RNF150: variants seen among roughly 807,000 people sequenced by gnomAD.
The protein encoded by RNF150 is ring finger protein 150.
Under a neutral mutation model 39.3 loss-of-function variants are expected in RNF150, and 24 were observed. The observed-to-expected ratio is 0.61, with a 90% CI of 0.44 to 0.86. The LOEUF is 0.86. Ranked by LOEUF, RNF150 falls within the 40% of genes least tolerant of loss-of-function variation. The pLI, the probability that RNF150 is intolerant of heterozygous loss-of-function variation, is 0.00. For missense variants in RNF150, 502 were observed against 587.8 expected, an observed-to-expected ratio of 0.85 and a Z score of 1.51; for synonymous variants, 255 against 227.3, an observed-to-expected ratio of 1.12 and a Z score of -1.10.
At chr4:141,203,745 C>T (rs1728329876) in intron 1 of RNF150, among the ~76,000 whole-genome samples, 1 of 140,570 alleles carries the variant, frequency 7.1e-6, no homozygotes, top group Non-Finnish European at 1.6e-5. Context: ...GAAAAGTCCC[C>T]CTGAGAAGGA....
At chr4:141,089,002 G>A (rs905631478) in intron 1 of RNF150, among the ~76,000 whole-genome samples, 5 of 152,142 alleles carry the variant, frequency 3.3e-5, no homozygotes, top group African/African-American at 1.2e-4. Flanking sequence ...GAAACACTCA[G>A]ATGAATTTTC....
intron 6 of RNF150, among the ~76,000 whole-genome samples, chr4:140,899,974 C>CTCTCTCTCTGTGTG (rs1365683071): frequency 4.6e-3 from 315 of 69,172 alleles, no homozygotes; most frequent in African/African-American, 0.013. Context: ...CTCTCTCTCT[C>CTCTCTCTCTGTGTG]TGTGTGTGTG....
intron 1 of RNF150, among the ~76,000 whole-genome samples, chr4:141,179,379 A>C (rs1172972247): frequency 6.6e-6 from 1 of 152,210 alleles, no homozygotes; most frequent in Non-Finnish European, 1.5e-5. Flanking sequence ...TTTAATATTT[A>C]AAATAGTTCA....
chr4:141,138,103 T>C (rs956918895), upstream of RNF150, among the ~76,000 whole-genome samples: 1 of 152,236 alleles, frequency 6.6e-6, no homozygotes, highest in Non-Finnish European at 1.5e-5. Flanking sequence ...CTGCTTTTGC[T>C]TCTTGCCATT....
At chr4:140,899,940 CACTT>C (rs142632823) in intron 6 of RNF150, among the ~76,000 whole-genome samples, 40 of 118,228 alleles carry the variant, frequency 3.4e-4, no homozygotes, top group Admixed American at 1.7e-3. Context: ...TTCTCTCTCT[CACTT>C]TCTCTCTCTC....
intron 4 of RNF150, among the ~76,000 whole-genome samples, chr4:140,945,832 A>G (rs546540336): frequency 6.6e-6 from 1 of 151,914 alleles, no homozygotes; most frequent in South Asian, 2.1e-4. Flanking sequence ...AATTTTTTTT[A>G]TTAGTAGTAA....
intron 1 of RNF150, among the ~76,000 whole-genome samples, chr4:141,032,325 TTCAGTTAGA>T (rs1735980343): frequency 6.6e-6 from 1 of 152,096 alleles, no homozygotes; most frequent in Non-Finnish European, 1.5e-5. Context: ...GGTACAAAGC[TTCAGTTAGA>T]TAGAAGGAGT....
intron 1 of RNF150, among the ~76,000 whole-genome samples, chr4:141,047,258 C>G (rs1736615659): frequency 6.6e-6 from 1 of 152,028 alleles, no homozygotes; most frequent in Non-Finnish European, 1.5e-5. Context: ...TGTTAAAACG[C>G]TATGACAGTA....
chr4:140,940,358 C>T (rs1490251184), intron 4 of RNF150, among the ~76,000 whole-genome samples: 1 of 150,350 alleles, frequency 6.7e-6, no homozygotes, highest in Non-Finnish European at 1.5e-5. Flanking sequence ...CACAGAGCTA[C>T]TTATCACAGC....
At chr4:141,097,245 C>T (rs564863213) in intron 1 of RNF150, among the ~76,000 whole-genome samples, 8 of 152,274 alleles carry the variant, frequency 5.3e-5, no homozygotes, top group African/African-American at 1.7e-4. Flanking sequence ...ACCAGAGCCT[C>T]GTTCAGTGTC....
chr4:141,204,911 A>C (rs1267272881), intron 1 of RNF150, among the ~76,000 whole-genome samples: 2 of 152,056 alleles, frequency 1.3e-5, no homozygotes, highest in Non-Finnish European at 2.9e-5. Context: ...TATAAGCAAA[A>C]CTCAGGAGTA....
At chr4:140,965,851 C>G (rs1733219829) in intron 2 of RNF150, among the ~76,000 whole-genome samples, 1 of 151,832 alleles carries the variant, frequency 6.6e-6, no homozygotes, top group Non-Finnish European at 1.5e-5. Context: ...ATGACTACAG[C>G]TAAAAAACTG....
At chr4:140,937,739 C>G (rs559967572) in intron 4 of RNF150, among the ~76,000 whole-genome samples, 1 of 151,564 alleles carries the variant, frequency 6.6e-6, no homozygotes, top group South Asian at 2.1e-4. Context: ...TCTGGGTGGT[C>G]AGATTATTTT....
intron 1 of RNF150, among the ~76,000 whole-genome samples, chr4:141,175,665 C>T (rs1727797126): frequency 6.6e-6 from 1 of 152,144 alleles, no homozygotes; most frequent in African/African-American, 2.4e-5. Flanking sequence ...CTCAGAACAT[C>T]GGATCTATTA....
At chr4:141,027,539 GACA>G (rs1380228658) in intron 1 of RNF150, among the ~76,000 whole-genome samples, 3 of 152,084 alleles carry the variant, frequency 2.0e-5, no homozygotes, top group Admixed American at 6.6e-5. Flanking sequence ...TTGGCACACA[GACA>G]ACATTTCCCA....
chr4:140,915,304 G>A (rs913494236), intron 5 of RNF150, among the ~76,000 whole-genome samples: 9 of 152,248 alleles, frequency 5.9e-5, no homozygotes, highest in South Asian at 2.1e-4. Flanking sequence ...AAGGGTTTCA[G>A]TTCGATATAG....
At chr4:141,019,106 A>C in intron 1 of RNF150, among the ~76,000 whole-genome samples, 1 of 148,290 alleles carries the variant, frequency 6.7e-6, no homozygotes, top group Non-Finnish European at 1.5e-5. Context: ...AAGAATGTTA[A>C]AAGAAATGCA....
At chr4:141,181,189 C>T (rs889855376) in intron 1 of RNF150, among the ~76,000 whole-genome samples, 2 of 152,164 alleles carry the variant, frequency 1.3e-5, no homozygotes, top group Non-Finnish European at 2.9e-5. Context: ...GTGACTTGTG[C>T]AGTCACCCAG....
chr4:140,923,013 A>C (rs1043072806), intron 5 of RNF150, among the ~76,000 whole-genome samples: 12 of 150,896 alleles, frequency 8.0e-5, no homozygotes, highest in Non-Finnish European at 1.3e-4. Flanking sequence ...AAACCATAAA[A>C]ACCCCAGAAG....
Sources: allele counts gnomAD v4.1 joint callset (sites outside exome capture counted in the v4.1 genomes callset), GRCh38; gene constraint gnomAD v4.1.1; transcripts MANE v1.5; gene names NCBI Gene and HGNC (gene_info 2026-07-23, HGNC 2026-07-21).